PER1: variants seen among roughly 807,000 people sequenced by gnomAD.
PER1 encodes period circadian regulator 1.
PER1 carries 87 observed loss-of-function variants against 125.9 expected under a neutral mutation model. The ratio of observed to expected loss-of-function variants is 0.69; its 90% CI spans 0.58 to 0.83. PER1 has a LOEUF of 0.83. Among genes scored for constraint, PER1 ranks in the 40% least tolerant of loss-of-function variants. The probability of loss-of-function intolerance (pLI) is 0.00; values close to 1 mark genes in which losing one functional copy is unlikely to be tolerated. For synonymous variants in PER1, 801 were observed against 714.7 expected (o/e 1.12, Z -1.93); for missense variants, 1,775 against 1,722.8 (o/e 1.03, Z -0.54).
In PER1 at chr17:8,150,632, G is replaced by C. The variant is rs764818763; in HGVS notation, c.75C>G (p.Val25=). 6.2e-7 allele frequency: 1 copy of C among 1,611,762 alleles called. No homozygotes were observed. Among genetic ancestry groups the C allele is most frequent in the Non-Finnish European group, 8.5e-7 (1 of 1,179,178 alleles). Residue 25 remains valine, a synonymous_variant, in exon 2 of 23, where the codon GTC becomes GTG. Coordinates refer to ENST00000317276, the MANE Select transcript of PER1 (RefSeq NM_002616.3). ...RPGESFCPGG[V]PSPGPPQHRP... ...GGTGCTGTGGGGGCCCAGGGGATGG[G>C]ACGCCCCCAGGACAAAATGATTCCC...
At chr17:8,148,349 A>T in intron 8 of PER1, 90 bp from the exon 9 acceptor site, 1 of 1,113,060 alleles carries the variant, frequency 9.0e-7, no homozygotes, top group South Asian at 1.3e-5. Flanking sequence ...CTGGCTGATG[A>T]TCTGCCACAC....
chr17:8,142,370 C>T lies in PER1; in HGVS notation c.3348G>A (p.Glu1116=). The T allele has an allele frequency of 6.2e-7, 1 of 1,613,780 alleles. No homozygotes were observed. The highest frequency in any genetic ancestry group is 8.5e-7 in the Non-Finnish European group (1 of 1,179,910). The change falls in exon 21 of 23, where the codon GAG becomes GAA. Residue 1116 remains glutamate, a synonymous_variant. Transcript: ENST00000317276. ...CGTACTTAATCACCTGGTCCCCAGG[C>T]TCAGCCCCGCCCCGAGCAGCCCCAG... The part of the protein sequence containing the change: ...AEAGAARGGA[E]PGDQVIKYVL...
rs1982686245 is a variant in PER1 at position 8,149,455 on chromosome 17, A to C, written c.853+7T>G. 1 of 1,611,276 alleles carries C rather than the reference A, an allele frequency of 6.2e-7. No homozygotes were observed. The highest frequency in any genetic ancestry group is 1.7e-4 in the Middle Eastern group (1 of 6,058). On this transcript the variant is annotated splice_region_variant and intron_variant, in intron 6 of 22. Coordinates refer to ENST00000317276, the MANE Select transcript of PER1 (RefSeq NM_002616.3). ...TCATGCCTCCCCACAGCGCTTGGGC[A>C]CCTCACCTGCTGAGGCCCCTGTGCC... is the stretch of plus-strand genomic sequence containing the variant.
intron 20 of PER1, 94 bp downstream of exon 20, chr17:8,142,555 A>T (rs916578234): frequency 5.1e-6 from 8 of 1,561,914 alleles, no homozygotes; most frequent in Non-Finnish European, 6.9e-6. Flanking sequence ...TGTCCATCCC[A>T]GTGGCCTTAG....
rs2151858883 is a variant in PER1 at position 8,141,954 on chromosome 17, C to A, written c.3451G>T (p.Asp1151Tyr). Reference sequence around the variant, plus strand: ...TCCTGCTTCAGCACAGAGGTCATGTCCCTGCCCAAGAAGGGGTTCAGAAGG... The same window carrying A: ...TCCTGCTTCAGCACAGAGGTCATGTACCTGCCCAAGAAGGGGTTCAGAAGG... ...VMMTYQVPSR[D>Y]MTSVLKQDRE... The change falls in exon 22 of 23, where the codon GAC becomes TAC. Residue 1151 changes from aspartate (D) to tyrosine (Y), a missense_variant and splice_region_variant. Transcript: ENST00000317276. 1 of 1,613,906 alleles carries A rather than the reference C, an allele frequency of 6.2e-7. No homozygotes were observed. Among genetic ancestry groups the A allele is most frequent in the Non-Finnish European group, 8.5e-7 (1 of 1,180,032 alleles).
intron 7 of PER1, 166 bp downstream of exon 7, chr17:8,149,093 G>C (rs1386135397): frequency 1.5e-6 from 1 of 682,928 alleles, no homozygotes; most frequent in African/African-American, 1.8e-5. Context: ...GGAGGCTGAG[G>C]CAGGAGAATC....
Position 8,147,340 on chromosome 17 carries a change from G to A in PER1, c.1539C>T (p.Gly513=), listed in dbSNP as rs754862482. 4.4e-5 allele frequency: 71 copies of A among 1,613,490 alleles called. No homozygotes were observed. Among genetic ancestry groups the A allele is most frequent in the Middle Eastern group, 1.6e-4 (1 of 6,084 alleles). ...GGAGAGGGCCTGGGGATGTCACGGC[G>A]CCGACTCCACAGAGTCCCGTGGGGC... ...SPSPTGLCGV[G]AVTSPGPLHS... Residue 513 remains glycine, a synonymous_variant, in exon 13 of 23, where the codon GGC becomes GGT. Transcript: ENST00000317276.
Position 8,143,986 on chromosome 17 carries a change from G to A in PER1, c.2462-110C>T, listed in dbSNP as rs575586837. The A allele has an allele frequency of 1.9e-4, 271 of 1,463,988 alleles. No homozygotes were observed. In the African/African-American group the frequency reaches 2.7e-3, roughly 15 times the overall value. 90.7% of individuals were successfully genotyped at this position (1,463,988 alleles called of 1,614,324 possible). A position where few individuals can be genotyped will look rare whatever the true frequency, so the allele number is the denominator to read the frequency against. On this transcript the variant is annotated intron_variant, in intron 18 of 22. Transcript: ENST00000317276. ...GGAGAGGACAGGCCAAGGTCCCAGA[G>A]AGAGCTTCTCAACCCACACAGAACG... is the stretch of plus-strand genomic sequence containing the variant.
rs1325921016 is a variant in PER1 at position 8,147,595 on chromosome 17, G to A, written c.1389-17C>T. The A allele has an allele frequency of 1.2e-6, 2 of 1,613,124 alleles. No homozygotes were observed. Among genetic ancestry groups the A allele is most frequent in the East Asian group, 4.5e-5 (2 of 44,882 alleles). On this transcript the variant is annotated splice_polypyrimidine_tract_variant and intron_variant, in intron 11 of 22. Transcript: ENST00000317276. ...AGGGGGGCCCTGTAGAGTGAAGAGTGAATCCAGCCCTGGCCCGGTCCTGTC... is the reference window on the plus strand; with the variant it reads ...AGGGGGGCCCTGTAGAGTGAAGAGTAAATCCAGCCCTGGCCCGGTCCTGTC...
chr17:8,144,642 A>C, intron 18 of PER1, 109 bp downstream of exon 18: 1 of 1,440,502 alleles, frequency 6.9e-7, no homozygotes, highest in Non-Finnish European at 9.4e-7. Flanking sequence ...GGTGGAAGCA[A>C]CACCAGCCTG....
Position 8,143,515 on chromosome 17 carries a change from G to A in PER1, c.2823C>T (p.Thr941=), listed in dbSNP as rs778588242. 4 of 1,551,342 alleles carry A rather than the reference G, an allele frequency of 2.6e-6. No homozygotes were observed. Among genetic ancestry groups the A allele is most frequent in the Non-Finnish European group, 3.5e-6 (4 of 1,146,676 alleles). The change falls in exon 19 of 23, where the codon ACC becomes ACT. Residue 941 remains threonine (T), a synonymous_variant. Coordinates refer to ENST00000317276, the MANE Select transcript of PER1 (RefSeq NM_002616.3). ...PSSYPYGALQ[T]PAEGPPTPAS... Reference sequence around the variant, plus strand: ...CAGGAGTGGGAGGCCCTTCAGCAGGGGTCTGGAGTGCCCCATAAGGATAGC... The same window carrying A: ...CAGGAGTGGGAGGCCCTTCAGCAGGAGTCTGGAGTGCCCCATAAGGATAGC...
chr17:8,142,912 T>C (rs1982174356), intron 19 of PER1, 77 bp from the exon 20 acceptor site: 5 of 1,156,244 alleles, frequency 4.3e-6, no homozygotes, highest in Non-Finnish European at 4.9e-6. Context: ...TTACTGGTTG[T>C]GGGGAGAGGC....
chr17:8,149,942 G>A (rs1212572195), intron 4 of PER1, 29 bp downstream of exon 4: 10 of 1,613,940 alleles, frequency 6.2e-6, no homozygotes, highest in African/African-American at 4.0e-5. Flanking sequence ...CCAGGCCCAG[G>A]CCATTCCCTC....
At chr17:8,149,207 CAAAAACAA>C (rs1415553635) in intron 7 of PER1, 44 bp downstream of exon 7, 264 of 1,534,656 alleles carry the variant, frequency 1.7e-4, no homozygotes, top group Non-Finnish European at 2.1e-4. Flanking sequence ...AAAACAAAAA[CAAAAACAA>C]AAAAAAAAGG....
intron 22 of PER1, 94 bp from the exon 23 acceptor site, chr17:8,141,434 G>A (rs555190452): frequency 1.9e-5 from 27 of 1,392,584 alleles, no homozygotes; most frequent in South Asian, 6.7e-5. Context: ...TGTGCTTCCC[G>A]AAATGTACTC....
rs898763263 is a variant in PER1, at chr17:8,146,913, G to C, written c.1719C>G (p.Ser573=). Residue 573 remains serine (S), a synonymous_variant, in exon 14 of 23, where the codon TCC becomes TCG. Coordinates refer to ENST00000317276, the MANE Select transcript of PER1 (RefSeq NM_002616.3). ...LFIESRARPQ[S]RPRLPATGTF... Reference sequence around the variant, plus strand: ...TCAACTCACCAGGGAGGCGGGGCCGGGACTGAGGCCGGGCCCGAGACTCAA... The same window carrying C: ...TCAACTCACCAGGGAGGCGGGGCCGCGACTGAGGCCGGGCCCGAGACTCAA... 6.2e-7 allele frequency: 1 copy of C among 1,613,976 alleles called. No homozygotes were observed.
chr17:8,149,854 C>T lies in PER1; in HGVS notation c.552G>A (p.Gln184=). The change falls in exon 5 of 23, where the codon CAG becomes CAA. Residue 184 remains glutamine, a synonymous_variant. Transcript: ENST00000317276. ...QVQANQEYYQ[Q]WSLEEGEPCS... ...AAGGCTCGCCCTCCTCCAGGCTCCA[C>T]TGCTGGTAGTATTCCTGGTTGGCTG... 6.2e-7 allele frequency: 1 copy of T among 1,614,152 alleles called. No individual in the cohort carries two copies. The highest frequency in any genetic ancestry group is 8.5e-7 in the Non-Finnish European group (1 of 1,180,042).
Position 8,143,772 on chromosome 17 carries a change from C to G in PER1, c.2566G>C (p.Val856Leu). Residue 856 changes from valine (V) to leucine (L), a missense_variant, in exon 19 of 23, where the codon GTC becomes CTC. Transcript: ENST00000317276. The part of the protein sequence containing the change: ...QNPRAEAPCY[V>L]SHPSPVPPST... ...GGTGGCACGGGTGAGGGGTGTGAGA[C>G]ATAGCAGGGCGCTTCAGCCCGAGGG... 1 of 1,601,842 alleles carries G rather than the reference C, an allele frequency of 6.2e-7. No homozygotes were observed. Among genetic ancestry groups the G allele is most frequent in the South Asian group, 1.1e-5 (1 of 89,528 alleles).
In PER1 at chr17:8,150,664, T is replaced by C; in HGVS notation, c.43A>G (p.Arg15Gly). Residue 15 changes from arginine to glycine, a missense_variant, in exon 2 of 23, where the codon AGG (arginine) becomes GGG (glycine). Transcript: ENST00000317276. ...LEGADGGGDP[R>G]PGESFCPGGV... ...CCAGGACAAAATGATTCCCCAGGCCTGGGGTCCCCTCCCCCATCAGCCCCT... is the reference window on the plus strand; with the variant it reads ...CCAGGACAAAATGATTCCCCAGGCCCGGGGTCCCCTCCCCCATCAGCCCCT... 6.3e-7 allele frequency: 1 copy of C among 1,596,444 alleles called. No individual in the cohort carries two copies. Among genetic ancestry groups the C allele is most frequent in the Non-Finnish European group, 8.5e-7 (1 of 1,172,606 alleles).
Sources: gnomAD v4.1 joint callset for allele counts on GRCh38, gnomAD v4.1.1 for gene constraint, MANE v1.5 for transcripts, NCBI Gene and HGNC (gene_info 2026-07-23, HGNC 2026-07-21) for gene names.